Variants in BCL7A observed in about 807,000 individuals in gnomAD.
BCL7A encodes the protein BAF chromatin remodeling complex subunit BCL7A.
BCL7A carries 11 observed loss-of-function variants against 28.4 expected under a neutral mutation model. That is an observed-to-expected ratio of 0.39 (90% CI 0.24 to 0.64). The LOEUF (loss-of-function observed/expected upper bound fraction) is 0.64, where lower values mean the gene tolerates loss of function less well. Ranked by LOEUF, BCL7A falls within the 30% of genes least tolerant of loss-of-function variation. The pLI is 0.50. For missense variants in BCL7A, 222 were observed against 274.8 expected (o/e 0.81, Z 1.36); for synonymous variants, 123 against 103.3 (o/e 1.19, Z -1.15).
At chr12:122,042,704 C>G (rs1268854539) in intron 3 of BCL7A, among the ~76,000 whole-genome samples, 1 of 151,950 alleles carries the variant, frequency 6.6e-6, no homozygotes, top group Non-Finnish European at 1.5e-5. Context: ...TGGCCGGCAG[C>G]CTGCACTGAA....
At chr12:122,024,864 T>A (rs1565933741) in intron 1 of BCL7A, among the ~76,000 whole-genome samples, 1 of 152,122 alleles carries the variant, frequency 6.6e-6, no homozygotes, top group African/African-American at 2.4e-5. Context: ...GCCGAAGTGT[T>A]TGGCAGATCA....
intron 1 of BCL7A, among the ~76,000 whole-genome samples, chr12:122,027,815 C>T (rs1883661286): frequency 6.6e-6 from 1 of 151,922 alleles, no homozygotes; most frequent in Non-Finnish European, 1.5e-5. Flanking sequence ...CCAGCCTGGG[C>T]CACAGAGCAG....
At chr12:122,023,991 T>C (rs1883547112) in intron 1 of BCL7A, among the ~76,000 whole-genome samples, 1 of 152,122 alleles carries the variant, frequency 6.6e-6, no homozygotes, top group Admixed American at 6.5e-5. Context: ...GGACAGAGGC[T>C]CCTGCACCCT....
At position 122,061,946 on chromosome 12, in the gene BCL7A, A is replaced by G; in HGVS notation, c.*2783A>G. The G allele has an allele frequency of 2.0e-5, 4 of 202,506 alleles. No homozygotes were observed. Among genetic ancestry groups the G allele is most frequent in the Non-Finnish European group, 4.0e-5 (4 of 99,672 alleles). The allele number at this position is 202,506 out of a possible 1,614,324, so 12.5% of individuals were successfully genotyped here. A position where few individuals can be genotyped will look rare whatever the true frequency, so the allele number is the denominator to read the frequency against. ...ATTTTTTTTTTTTTTGGTGTGTTGT[A>G]CAGCAGTATAATTTTTCACTTATTT... On this transcript the variant is annotated 3_prime_UTR_variant, in exon 6 of 6. Transcript: ENST00000261822.
At chr12:122,030,980 C>A (rs1285056674) in intron 2 of BCL7A, among the ~76,000 whole-genome samples, 199 bp downstream of exon 2, 1 of 152,088 alleles carries the variant, frequency 6.6e-6, no homozygotes, top group East Asian at 1.9e-4. Context: ...AGAGTCTGGC[C>A]CTCAGAGCGG....
rs903101279 is a variant in BCL7A at position 122,029,854 on chromosome 12, C to T, written c.93-846C>T. On this transcript the variant is annotated intron_variant, in intron 1 of 5. Transcript: ENST00000261822. The surrounding 1 kb of genome is among the most constrained non-coding windows in gnomAD (Gnocchi z 4.3). ...GGAGGTGGCTGGCTGTAGCAATAAT[C>T]GGAAAAATGACAGTGGCTCGGAGCA... Among the ~76,000 whole-genome samples, 1 of 152,114 alleles carries T rather than the reference C, an allele frequency of 6.6e-6. No individual in the cohort carries two copies. The highest frequency in any genetic ancestry group is 3.4e-3 in the Middle Eastern group (1 of 294).
chr12:122,024,014 C>T (rs1388298928), intron 1 of BCL7A, among the ~76,000 whole-genome samples: 1 of 152,072 alleles, frequency 6.6e-6, no homozygotes, highest in African/African-American at 2.4e-5. Context: ...CAGCTGCTCC[C>T]GCAGAGCGGC....
chr12:122,024,137 T>A, intron 1 of BCL7A, among the ~76,000 whole-genome samples: 1 of 152,252 alleles, frequency 6.6e-6, no homozygotes, highest in East Asian at 1.9e-4. Flanking sequence ...ACCAGGCCTG[T>A]AGTTGGAGCT....
rs539500234 is a variant in BCL7A, at chr12:122,054,800, C to A, written c.440-5C>A. The A allele has an allele frequency of 3.1e-6, 5 of 1,612,724 alleles. No homozygotes were observed. The highest frequency in any genetic ancestry group is 4.2e-6 in the Non-Finnish European group (5 of 1,179,048). Reference sequence around the variant, plus strand: ...ACAGCTCCTGTCGTCTTGCTCTTCCCTCAGATGCTTCTGATGAGCAGAATT... The same window carrying A: ...ACAGCTCCTGTCGTCTTGCTCTTCCATCAGATGCTTCTGATGAGCAGAATT... On this transcript the variant is annotated splice_region_variant and splice_polypyrimidine_tract_variant and intron_variant, in intron 4 of 5. Transcript: ENST00000261822.
At chr12:122,043,080 C>T (rs1238010728) in intron 3 of BCL7A, among the ~76,000 whole-genome samples, 1 of 151,880 alleles carries the variant, frequency 6.6e-6, no homozygotes, top group Non-Finnish European at 1.5e-5. Flanking sequence ...ATGCCACCTC[C>T]CGCTGTCTCT....
chr12:122,031,798 C>T (rs1241663059), intron 2 of BCL7A, among the ~76,000 whole-genome samples: 12 of 152,192 alleles, frequency 7.9e-5, no homozygotes, highest in South Asian at 2.1e-4. Flanking sequence ...AGAGGGAATG[C>T]GAGGCGCTGT....
chr12:122,046,243 T>C (rs954189191), intron 4 of BCL7A, among the ~76,000 whole-genome samples: 4 of 151,988 alleles, frequency 2.6e-5, no homozygotes, highest in Non-Finnish European at 5.9e-5. Flanking sequence ...TCTGGGCACC[T>C]GGAGGGACAG....
At chr12:122,046,920 T>C (rs76219056) in intron 4 of BCL7A, among the ~76,000 whole-genome samples, 2 of 151,552 alleles carry the variant, frequency 1.3e-5, no homozygotes, top group Non-Finnish European at 2.9e-5. Context: ...TTTTTTTTTT[T>C]CCAGACGGAG....
Position 122,029,427 on chromosome 12 carries a change from G to A in BCL7A, c.93-1273G>A, listed in dbSNP as rs946725156. 2.6e-5 allele frequency among the ~76,000 whole-genome samples: 4 copies of A among 152,176 alleles called. No homozygotes were observed. The highest frequency in any genetic ancestry group is 9.7e-5 in the African/African-American group (4 of 41,440). On this transcript the variant is annotated intron_variant, in intron 1 of 5. Transcript: ENST00000261822. The surrounding 1 kb of genome is among the most constrained non-coding windows in gnomAD (Gnocchi z 4.3). Reference sequence around the variant, plus strand: ...AGCATGTGAGGGCCACATGCCCCACGAGGGGGTGATCTAAGGCTGAGTTTG... The same window carrying A: ...AGCATGTGAGGGCCACATGCCCCACAAGGGGGTGATCTAAGGCTGAGTTTG...
intron 2 of BCL7A, among the ~76,000 whole-genome samples, chr12:122,034,190 CATATATATATATATATATATATATATAT>C (rs55770934): frequency 0.043 from 4,155 of 97,532 alleles, 176 homozygotes; most frequent in Non-Finnish European, 0.055. Context: ...CTGCATCTTT[CATATATATATATATATATATATATATAT>C]ATATATATAT....
At chr12:122,055,490 G>A (rs976583206) in intron 5 of BCL7A, among the ~76,000 whole-genome samples, 2 of 152,158 alleles carry the variant, frequency 1.3e-5, no homozygotes, top group East Asian at 1.9e-4. Context: ...ATGGGATCAC[G>A]GAACTGTCTT....
chr12:122,037,890 G>A (rs1419926000), intron 3 of BCL7A, among the ~76,000 whole-genome samples: 2 of 151,932 alleles, frequency 1.3e-5, no homozygotes, highest in East Asian at 1.9e-4. Flanking sequence ...CAGAGGTTGC[G>A]GTGAGCGGAG....
intron 3 of BCL7A, among the ~76,000 whole-genome samples, chr12:122,041,490 C>T (rs1298412269): frequency 6.6e-6 from 1 of 152,196 alleles, no homozygotes; most frequent in African/African-American, 2.4e-5. Flanking sequence ...CTAGGTTGGG[C>T]ACAGTGGCTC....
intron 3 of BCL7A, among the ~76,000 whole-genome samples, chr12:122,040,703 A>G (rs984221052): frequency 5.9e-5 from 9 of 152,020 alleles, no homozygotes; most frequent in African/African-American, 1.9e-4. Context: ...CAGAGTGTGT[A>G]AATGGGAAGG....
Sources: gnomAD v4.1 joint callset for allele counts (sites outside exome capture counted in the v4.1 genomes callset) on GRCh38, gnomAD v4.1.1 for gene constraint, Gnocchi (gnomAD v3.1) non-coding constraint, MANE v1.5 for transcripts, NCBI Gene and HGNC (gene_info 2026-07-23, HGNC 2026-07-21) for gene names.